Variants in TECRL observed in about 807,000 individuals in gnomAD.
TECRL encodes the protein trans-2,3-enoyl-CoA reductase-like.
A neutral mutation model predicts 52.8 loss-of-function variants in TECRL; 63 were observed. The ratio of observed to expected loss-of-function variants is 1.19; its 90% CI spans 0.97 to 1.47. The LOEUF (loss-of-function observed/expected upper bound fraction) is 1.47. Ranked by LOEUF, TECRL falls within the 40% of genes most tolerant of loss-of-function variation. The pLI is 0.00. For synonymous variants in TECRL, 164 were observed against 141.9 expected (o/e 1.16, Z -1.10); for missense variants, 482 against 429.6 (o/e 1.12, Z -1.08).
At chr4:64,386,550 T>C (rs1425325224) in intron 1 of TECRL, among the ~76,000 whole-genome samples, 2 of 152,142 alleles carry the variant, frequency 1.3e-5, no homozygotes, top group Admixed American at 1.3e-4. Context: ...GAAGTGATTT[T>C]TGGATATGTA....
chr4:64,306,424 A>G (rs1291960385), intron 6 of TECRL, among the ~76,000 whole-genome samples: 1 of 151,876 alleles, frequency 6.6e-6, no homozygotes, highest in Admixed American at 6.6e-5. Context: ...AGTCCCTGAC[A>G]CCCCATTAGG....
intron 2 of TECRL, among the ~76,000 whole-genome samples, chr4:64,369,096 T>C (rs1017525152): frequency 2.0e-5 from 3 of 152,180 alleles, no homozygotes; most frequent in Admixed American, 6.6e-5. Flanking sequence ...CTTTGTATGG[T>C]GTTTTCAACT....
intron 9 of TECRL, among the ~76,000 whole-genome samples, chr4:64,282,231 A>C (rs983590918): frequency 3.3e-5 from 5 of 151,954 alleles, no homozygotes; most frequent in Non-Finnish European, 7.4e-5. Flanking sequence ...GAAACATTTT[A>C]GATAACAAAT....
intron 2 of TECRL, among the ~76,000 whole-genome samples, chr4:64,359,494 G>A (rs755305332): frequency 1.3e-4 from 18 of 136,196 alleles, no homozygotes; most frequent in Admixed American, 7.4e-4. Flanking sequence ...TAACCCAACC[G>A]TCTAGATGCT....
chr4:64,307,866 G>A (rs916839298), intron 6 of TECRL, among the ~76,000 whole-genome samples: 23 of 152,160 alleles, frequency 1.5e-4, no homozygotes, highest in African/African-American at 4.8e-4. Flanking sequence ...ACAAGGGAAG[G>A]CCTTATCCAG....
At chr4:64,298,222 A>G (rs73823571) in intron 8 of TECRL, among the ~76,000 whole-genome samples, 31,803 of 151,018 alleles carry the variant, frequency 0.21, 3,499 homozygotes, top group South Asian at 0.28. Flanking sequence ...TAAATGTGCA[A>G]TTAAAGTTAT....
intron 1 of TECRL, among the ~76,000 whole-genome samples, chr4:64,407,234 T>C (rs1023585335): frequency 6.6e-6 from 1 of 152,064 alleles, no homozygotes; most frequent in Non-Finnish European, 1.5e-5. Flanking sequence ...CCTGCTAAGT[T>C]TCTATAAAGA....
intron 1 of TECRL, among the ~76,000 whole-genome samples, chr4:64,386,409 T>C (rs77107202): frequency 2.3e-4 from 35 of 152,178 alleles, no homozygotes; most frequent in African/African-American, 7.7e-4. Flanking sequence ...GATGAGGGTT[T>C]GGTTGTTGTC....
At chr4:64,280,239 T>TCATAGAA in intron 11 of TECRL, 40 bp from the exon 12 acceptor site, 3 of 1,233,916 alleles carry the variant, frequency 2.4e-6, no homozygotes, top group Non-Finnish European at 1.0e-6. Context: ...CTTTCTTATT[T>TCATAGAA]CTATGAAATG....
chr4:64,346,606 G>A (rs1053766191), intron 2 of TECRL, among the ~76,000 whole-genome samples: 1 of 152,266 alleles, frequency 6.6e-6, no homozygotes, highest in African/African-American at 2.4e-5. Flanking sequence ...TGAGACACAA[G>A]GCAACAAGTC....
intron 1 of TECRL, among the ~76,000 whole-genome samples, chr4:64,402,690 T>C (rs1724436055): frequency 6.6e-6 from 1 of 152,088 alleles, no homozygotes; most frequent in South Asian, 2.1e-4. Context: ...ATAAGTAGTA[T>C]AGAATGTTGA....
At chr4:64,305,420 A>G (rs541091855) in intron 6 of TECRL, among the ~76,000 whole-genome samples, 182 bp from the exon 7 acceptor site, 36 of 152,264 alleles carry the variant, frequency 2.4e-4, no homozygotes, top group South Asian at 6.2e-4. Context: ...ACAGAATATT[A>G]CTTTGCCCAA....
At chr4:64,322,984 A>G (rs189631658) in intron 3 of TECRL, among the ~76,000 whole-genome samples, 192 bp from the exon 4 acceptor site, 2 of 152,270 alleles carry the variant, frequency 1.3e-5, no homozygotes. Flanking sequence ...AACTCTTCAA[A>G]TGCACAGTGG....
chr4:64,363,959 T>A (rs1402793977), intron 2 of TECRL, among the ~76,000 whole-genome samples: 1 of 152,080 alleles, frequency 6.6e-6, no homozygotes, highest in African/African-American at 2.4e-5. Flanking sequence ...CCTAAAAATA[T>A]ACATTATTAT....
At chr4:64,382,779 T>C (rs544868468) in intron 1 of TECRL, among the ~76,000 whole-genome samples, 13 of 152,242 alleles carry the variant, frequency 8.5e-5, no homozygotes, top group African/African-American at 3.1e-4. Context: ...GTATGTCCTT[T>C]GATCCTTTCT....
intron 2 of TECRL, among the ~76,000 whole-genome samples, chr4:64,353,911 G>GAGGCC (rs1315257082): frequency 6.6e-6 from 1 of 152,092 alleles, no homozygotes; most frequent in East Asian, 1.9e-4. Context: ...CTGAAAATGA[G>GAGGCC]AGGCCAGGAG....
intron 7 of TECRL, among the ~76,000 whole-genome samples, chr4:64,302,959 C>T (rs1724107367): frequency 6.6e-6 from 1 of 150,958 alleles, no homozygotes; most frequent in Non-Finnish European, 1.5e-5. Context: ...TTAAATATCA[C>T]CTCATTTTGT....
intron 2 of TECRL, among the ~76,000 whole-genome samples, chr4:64,334,486 GA>G (rs1321934181): frequency 6.6e-6 from 1 of 152,102 alleles, no homozygotes; most frequent in Non-Finnish European, 1.5e-5. Flanking sequence ...TGAAAAATGA[GA>G]AAACTATTTC....
chr4:64,388,378 A>G (rs1723322399), intron 1 of TECRL, among the ~76,000 whole-genome samples: 1 of 151,872 alleles, frequency 6.6e-6, no homozygotes, highest in Non-Finnish European at 1.5e-5. Context: ...TATCATTGAT[A>G]CATTTGTTTT....
Sources: gnomAD v4.1 joint callset for allele counts (sites outside exome capture counted in the v4.1 genomes callset) on GRCh38, gnomAD v4.1.1 for gene constraint, MANE v1.5 for transcripts, NCBI Gene and HGNC (gene_info 2026-07-23, HGNC 2026-07-21) for gene names.